Variants in CACNG2 observed in about 807,000 individuals in gnomAD.
The protein encoded by CACNG2 is voltage-dependent calcium channel gamma-2 subunit.
In CACNG2, 3 loss-of-function variants were observed where a neutral mutation model predicts 25.9. The observed-to-expected ratio is 0.12, with a 90% CI of 0.05 to 0.30. The LOEUF (loss-of-function observed/expected upper bound fraction) is 0.30, where lower values mean the gene tolerates loss of function less well. CACNG2 is among the 10% of genes least tolerant of loss of function. The probability of loss-of-function intolerance (pLI) is 1.00; values close to 1 mark genes in which losing one functional copy is unlikely to be tolerated. For synonymous variants in CACNG2, 167 were observed against 173.3 expected, an observed-to-expected ratio of 0.96 and a Z score of 0.29; for missense variants, 341 against 432.5, an observed-to-expected ratio of 0.79 and a Z score of 1.88.
chr22:36,625,351 G>A (rs2267359), intron 1 of CACNG2, among the ~76,000 whole-genome samples: 123,906 of 152,092 alleles, frequency 0.81, 50,894 homozygotes, highest in African/African-American at 0.93. Context: ...TCTTCACTCT[G>A]TAATTTGGTG....
intron 1 of CACNG2, among the ~76,000 whole-genome samples, chr22:36,620,770 A>T (rs1482525987): frequency 6.6e-6 from 1 of 152,258 alleles, no homozygotes; most frequent in Non-Finnish European, 1.5e-5. Context: ...AGAGCCAATG[A>T]GAGTCACATT....
intron 1 of CACNG2, among the ~76,000 whole-genome samples, chr22:36,643,142 CCTT>C (rs915131359): frequency 4.0e-5 from 6 of 149,792 alleles, no homozygotes; most frequent in Non-Finnish European, 5.9e-5. Flanking sequence ...CTCTCTCTCT[CCTT>C]CTTTCCTTTT....
intron 1 of CACNG2, among the ~76,000 whole-genome samples, chr22:36,626,328 A>G (rs1036661536): frequency 6.6e-6 from 1 of 152,130 alleles, no homozygotes; most frequent in African/African-American, 2.4e-5. Context: ...TAAATGTTCG[A>G]TCCAAGCTTG....
chr22:36,602,248 T>A (rs1960892405), intron 1 of CACNG2, among the ~76,000 whole-genome samples: 1 of 152,234 alleles, frequency 6.6e-6, no homozygotes, highest in African/African-American at 2.4e-5. Context: ...AGAATATATG[T>A]TTAAAAACTC....
In CACNG2 at chr22:36,645,723, A is replaced by G. The variant is rs1423280256; in HGVS notation, c.211+56643T>C. On this transcript the variant is annotated intron_variant, in intron 1 of 3. Coordinates refer to ENST00000300105, the MANE Select transcript of CACNG2 (RefSeq NM_006078.5). ...TGGATACTAAATCACTTTGTGAAAC[A>G]TTATATCTCTAGAGCTACAGGAATC... Among the ~76,000 whole-genome samples, 3 of 152,354 alleles carry G rather than the reference A, an allele frequency of 2.0e-5. No individual in the cohort carries two copies. In the East Asian group the frequency reaches 5.8e-4, roughly 29 times the overall value.
intron 1 of CACNG2, among the ~76,000 whole-genome samples, chr22:36,667,668 A>C (rs1936893267): frequency 6.6e-6 from 1 of 152,116 alleles, no homozygotes; most frequent in African/African-American, 2.4e-5. Context: ...CCTGGTGAAA[A>C]ACCCTTTGAG....
chr22:36,579,456 T>C (rs865847699), intron 2 of CACNG2, among the ~76,000 whole-genome samples: 64 of 122,738 alleles, frequency 5.2e-4, no homozygotes, highest in African/African-American at 1.8e-3. Flanking sequence ...GTCAAATACA[T>C]ATAGGATCAA....
chr22:36,584,188 A>T (rs1434204321), intron 2 of CACNG2, among the ~76,000 whole-genome samples: 1 of 152,088 alleles, frequency 6.6e-6, no homozygotes, highest in African/African-American at 2.4e-5. Flanking sequence ...GTGGTGGCTC[A>T]CGCCTGTAAT....
Position 36,698,824 on chromosome 22 carries a change from T to A in CACNG2, c.211+3542A>T, listed in dbSNP as rs116311077. Among the ~76,000 whole-genome samples, 653 of 152,264 alleles carry A rather than the reference T, an allele frequency of 4.3e-3. 6 individuals carry two copies. The highest frequency in any genetic ancestry group is 0.015 in the African/African-American group (610 of 41,558). On this transcript the variant is annotated intron_variant, in intron 1 of 3. Coordinates refer to ENST00000300105, the MANE Select transcript of CACNG2 (RefSeq NM_006078.5). ...CCTCTACAGGCCACATTATGCCCACTGTTGGCTTCACCTCTGAAGGTCTGG... is the reference window on the plus strand; with the variant it reads ...CCTCTACAGGCCACATTATGCCCACAGTTGGCTTCACCTCTGAAGGTCTGG...
intron 1 of CACNG2, among the ~76,000 whole-genome samples, chr22:36,659,829 C>A (rs1379601583): frequency 6.6e-6 from 1 of 152,034 alleles, no homozygotes; most frequent in East Asian, 1.9e-4. Flanking sequence ...GGCCCCTCCC[C>A]CAGCCTGCCA....
At position 36,702,445 on chromosome 22, in the gene CACNG2, A is replaced by G. The variant is rs377326322; in HGVS notation, c.132T>C (p.Ser44=). 4 of 1,613,874 alleles carry G rather than the reference A, an allele frequency of 2.5e-6. No homozygotes were observed. In the African/African-American group the frequency reaches 5.3e-5, roughly 22 times the overall value. Residue 44 remains serine (S), a synonymous_variant, in exon 1 of 4, where the codon AGT becomes AGC. Coordinates refer to ENST00000300105, the MANE Select transcript of CACNG2 (RefSeq NM_006078.5). Reference sequence around the variant, plus strand: ...TTTTGCTGGTTTCATTCTCACTGACACTTTTGGTCTTGCAAACCCCTCTGG... The same window carrying G: ...TTTTGCTGGTTTCATTCTCACTGACGCTTTTGGTCTTGCAAACCCCTCTGG... ...LYSRGVCKTK[S]VSENETSKKN...
rs964014975 is a variant in CACNG2 at position 36,561,672 on chromosome 22, C to G, written c.*2679G>C. On this transcript the variant is annotated 3_prime_UTR_variant, in exon 4 of 4. Transcript: ENST00000300105. Reference sequence around the variant, plus strand: ...AGAAAAATGCAAACCGGGGGAGACTCGCAGGCAGAGGCAGGGGGGCCTCAC... The same window carrying G: ...AGAAAAATGCAAACCGGGGGAGACTGGCAGGCAGAGGCAGGGGGGCCTCAC... 2.0e-5 allele frequency: 3 copies of G among 152,520 alleles called. No homozygotes were observed. The East Asian group carries it at 5.8e-4, about 29-fold the overall frequency. The allele number at this position is 152,520 out of a possible 1,614,324, so 9.4% of individuals were successfully genotyped here.
chr22:36,625,057 T>C (rs1033889296), intron 1 of CACNG2, among the ~76,000 whole-genome samples: 44 of 110,646 alleles, frequency 4.0e-4, no homozygotes, highest in Non-Finnish European at 2.5e-4. Flanking sequence ...CACAGATTAA[T>C]CCTTGGGGTC....
intron 2 of CACNG2, 58 bp downstream of exon 2, chr22:36,587,407 G>A (rs1935522187): frequency 3.2e-6 from 4 of 1,249,908 alleles, no homozygotes; most frequent in South Asian, 1.2e-5. Flanking sequence ...ACTCTGTGAA[G>A]GATGGAAGGG....
intron 2 of CACNG2, among the ~76,000 whole-genome samples, chr22:36,583,230 C>T (rs894004580): frequency 2.0e-5 from 3 of 151,972 alleles, no homozygotes; most frequent in Admixed American, 6.6e-5. Context: ...GTCAGGAATT[C>T]GAGACCAACC....
At chr22:36,661,199 T>A (rs1936788794) in intron 1 of CACNG2, among the ~76,000 whole-genome samples, 1 of 152,224 alleles carries the variant, frequency 6.6e-6, no homozygotes. Context: ...AATGGGGAGC[T>A]GAGGCTGCCA....
chr22:36,616,686 C>A (rs184895069), intron 1 of CACNG2, among the ~76,000 whole-genome samples: 26 of 152,206 alleles, frequency 1.7e-4, no homozygotes, highest in African/African-American at 5.8e-4. Context: ...GACCCAACAC[C>A]ATTGCATCCT....
intron 1 of CACNG2, among the ~76,000 whole-genome samples, chr22:36,611,368 T>C (rs1935936308): frequency 6.6e-6 from 1 of 152,172 alleles, no homozygotes; most frequent in Non-Finnish European, 1.5e-5. Context: ...GAACCTGACC[T>C]ATTTGAGACT....
chr22:36,633,095 G>A (rs1351969869), intron 1 of CACNG2, among the ~76,000 whole-genome samples: 2 of 152,140 alleles, frequency 1.3e-5, no homozygotes, highest in Non-Finnish European at 2.9e-5. Context: ...AAATATCAGA[G>A]TGACCCTCCC....
Sources: allele counts gnomAD v4.1 joint callset (sites outside exome capture counted in the v4.1 genomes callset), GRCh38; gene constraint gnomAD v4.1.1; transcripts MANE v1.5; gene names NCBI Gene and HGNC (gene_info 2026-07-23, HGNC 2026-07-21).